ZBTB20: variants seen among roughly 807,000 people sequenced by gnomAD.
The protein encoded by ZBTB20 is zinc finger and BTB domain containing 20, also known as zinc finger and BTB domain-containing protein 20.
ZBTB20 carries 9 observed loss-of-function variants against 56.9 expected under a neutral mutation model. The ratio of observed to expected loss-of-function variants is 0.16; its 90% CI spans 0.10 to 0.28. The LOEUF (loss-of-function observed/expected upper bound fraction) is 0.28, where lower values mean the gene tolerates loss of function less well. Among genes scored for constraint, ZBTB20 ranks in the 10% least tolerant of loss-of-function variants. ZBTB20 has a pLI of 1.00. For synonymous variants in ZBTB20, 417 were observed against 420.7 expected (o/e 0.99, Z 0.11); for missense variants, 655 against 1,003.0 (o/e 0.65, Z 4.69).
chr3:114,913,094 T>C (rs1044069869), intron 3 of ZBTB20, among the ~76,000 whole-genome samples: 1 of 152,090 alleles, frequency 6.6e-6, no homozygotes, highest in African/African-American at 2.4e-5. Context: ...TTTGGGTATA[T>C]ACCTAGCAGT....
At chr3:114,984,207 T>C (rs542179169) in intron 2 of ZBTB20, among the ~76,000 whole-genome samples, 109 of 152,150 alleles carry the variant, frequency 7.2e-4, no homozygotes, top group South Asian at 1.2e-3. Flanking sequence ...TTATTGAGCC[T>C]GGCCCATTCC....
intron 5 of ZBTB20, among the ~76,000 whole-genome samples, chr3:114,787,331 T>TTATATATATATATATATA (rs138181405): frequency 1.2e-4 from 12 of 100,578 alleles, no homozygotes; most frequent in Non-Finnish European, 1.8e-4. Flanking sequence ...TCTTAAAAGG[T>TTATATATATATATATATA]TATATATATA....
chr3:114,902,350 C>G (rs569719173), intron 3 of ZBTB20, among the ~76,000 whole-genome samples: 1 of 152,268 alleles, frequency 6.6e-6, no homozygotes, highest in East Asian at 1.9e-4. Context: ...TTTGGCACTG[C>G]AACGTGCTAA....
intron 7 of ZBTB20, among the ~76,000 whole-genome samples, chr3:114,430,797 T>C (rs1256353901): frequency 6.6e-6 from 1 of 152,208 alleles, no homozygotes; most frequent in Non-Finnish European, 1.5e-5. Flanking sequence ...GAATTCCCTG[T>C]TAACTGCCAG....
At chr3:114,390,991 GT>G (rs11302473) in intron 7 of ZBTB20, among the ~76,000 whole-genome samples, 81,101 of 150,118 alleles carry the variant, frequency 0.54, 22,523 homozygotes, top group African/African-American at 0.69. Context: ...CAATTCTTCC[GT>G]TTTTTTTTTC....
intron 6 of ZBTB20, among the ~76,000 whole-genome samples, chr3:114,509,422 TGTGGTGGTGGTGGTG>T (rs199590803): frequency 6.7e-6 from 1 of 149,982 alleles, no homozygotes; most frequent in Non-Finnish European, 1.5e-5. Flanking sequence ...TGTGTGTGTG[TGTGGTGGTGGTGGTG>T]GTGGTGGTGG....
chr3:114,479,320 A>C (rs1437915887), intron 7 of ZBTB20, among the ~76,000 whole-genome samples: 1 of 152,198 alleles, frequency 6.6e-6, no homozygotes, highest in Non-Finnish European at 1.5e-5. Flanking sequence ...CATGTAAATA[A>C]TAGAAGTATG....
chr3:114,685,787 A>C (rs1275098767), intron 6 of ZBTB20, among the ~76,000 whole-genome samples: 1 of 152,196 alleles, frequency 6.6e-6, no homozygotes, highest in South Asian at 2.1e-4. Flanking sequence ...AATGCTTTTC[A>C]TACCGTATGC....
chr3:114,515,085 C>A (rs923382250), intron 6 of ZBTB20, among the ~76,000 whole-genome samples: 2 of 152,122 alleles, frequency 1.3e-5, no homozygotes, highest in African/African-American at 4.8e-5. Flanking sequence ...CCAGTCTATG[C>A]CCTGTAATGT....
chr3:114,686,579 T>A (rs945497164), intron 6 of ZBTB20, among the ~76,000 whole-genome samples: 1 of 152,190 alleles, frequency 6.6e-6, no homozygotes, highest in Non-Finnish European at 1.5e-5. Context: ...GCACCCATTC[T>A]GAGAGGTCTT....
intron 6 of ZBTB20, among the ~76,000 whole-genome samples, chr3:114,548,440 C>T (rs2050159557): frequency 6.6e-6 from 1 of 152,076 alleles, no homozygotes; most frequent in South Asian, 2.1e-4. Context: ...GAATTACATT[C>T]ATCTACAGGT....
chr3:114,542,297 G>A (rs776923033), intron 6 of ZBTB20, among the ~76,000 whole-genome samples: 36 of 152,240 alleles, frequency 2.4e-4, no homozygotes, highest in Non-Finnish European at 2.6e-4. Flanking sequence ...ATGTGCTTGA[G>A]AAATTCTAGC....
intron 4 of ZBTB20, among the ~76,000 whole-genome samples, chr3:114,803,081 A>G (rs190943431): frequency 2.4e-4 from 34 of 140,492 alleles, no homozygotes; most frequent in Admixed American, 2.2e-3. Context: ...TTTTTCTTCT[A>G]TTTCTGCTTG....
chr3:114,403,037 G>A (rs2086962862), intron 7 of ZBTB20, among the ~76,000 whole-genome samples: 1 of 152,150 alleles, frequency 6.6e-6, no homozygotes, highest in African/African-American at 2.4e-5. Context: ...AACAATGAGA[G>A]TATTTCTGGA....
At chr3:114,815,430 C>A (rs2072847796) in intron 4 of ZBTB20, among the ~76,000 whole-genome samples, 1 of 152,184 alleles carries the variant, frequency 6.6e-6, no homozygotes, top group African/African-American at 2.4e-5. Context: ...ACTGGACCTT[C>A]AGGATTTCAT....
At chr3:114,949,657 A>G (rs2076995884) in intron 3 of ZBTB20, among the ~76,000 whole-genome samples, 1 of 145,344 alleles carries the variant, frequency 6.9e-6, no homozygotes, top group Admixed American at 6.6e-5. Flanking sequence ...AATCCCAGCT[A>G]CTTGGGAAGC....
chr3:114,899,582 T>G lies in ZBTB20; in HGVS notation c.-417+722A>C, dbSNP rs2075026697. ...GGATTTAAAGAAAATATTCAGAAGC[T>G]AAAACCAGTGAGTTTTAGAATAAAC... On this transcript the variant is annotated intron_variant, in intron 4 of 11. Transcript: ENST00000675478. Among the ~76,000 whole-genome samples, 3 of 152,162 alleles carry G rather than the reference T, an allele frequency of 2.0e-5. No individual in the cohort carries two copies. In the South Asian group the frequency reaches 6.2e-4, roughly 31 times the overall value.
chr3:115,129,591 A>G (rs1037480258), intron 1 of ZBTB20, among the ~76,000 whole-genome samples: 2 of 152,252 alleles, frequency 1.3e-5, no homozygotes, highest in African/African-American at 4.8e-5. Flanking sequence ...TTTTAAGTAC[A>G]GCTATAAATT....
intron 10 of ZBTB20, among the ~76,000 whole-genome samples, chr3:114,356,789 G>GC (rs397768544): frequency 1.2e-5 from 1 of 82,360 alleles, no homozygotes; most frequent in Non-Finnish European, 3.8e-5. Context: ...CCTCATATAT[G>GC]CCAAGGGAGT....
Sources: gnomAD v4.1 joint callset for allele counts (sites outside exome capture counted in the v4.1 genomes callset) on GRCh38, gnomAD v4.1.1 for gene constraint, MANE v1.5 for transcripts, NCBI Gene and HGNC (gene_info 2026-07-23, HGNC 2026-07-21) for gene names.